Variants in BCL2L11 observed in about 807,000 individuals in gnomAD.
BCL2L11 encodes BCL2 like 11.
Under a neutral mutation model 20.6 loss-of-function variants are expected in BCL2L11, and 15 were observed. That is an observed-to-expected ratio of 0.73 (90% CI 0.49 to 1.12). The LOEUF is 1.12. Among genes scored for constraint, BCL2L11 ranks in the 50% most tolerant of loss-of-function variants. The pLI is 0.00. For synonymous variants in BCL2L11, 108 were observed against 92.8 expected (o/e 1.16, Z -0.94); for missense variants, 292 against 260.9 (o/e 1.12, Z -0.82).
At chr2:111,140,807 A>G (rs887757044) in intron 2 of BCL2L11, among the ~76,000 whole-genome samples, 4 of 152,256 alleles carry the variant, frequency 2.6e-5, no homozygotes, top group South Asian at 2.1e-4. Flanking sequence ...AGTTTGATAC[A>G]TAGCAGGAGT....
At chr2:111,151,640 C>T (rs940362464) in intron 3 of BCL2L11, among the ~76,000 whole-genome samples, 2 of 152,116 alleles carry the variant, frequency 1.3e-5, no homozygotes, top group African/African-American at 4.8e-5. Flanking sequence ...GACATTTTCC[C>T]ATTACAAAGG....
intron 3 of BCL2L11, among the ~76,000 whole-genome samples, chr2:111,153,169 C>T (rs777373910): frequency 7.9e-5 from 12 of 151,804 alleles, no homozygotes; most frequent in Non-Finnish European, 1.2e-4. Flanking sequence ...CCAGAGGTCA[C>T]GAGTTTAAGA....
chr2:111,124,788 C>T (rs148595297), intron 2 of BCL2L11, among the ~76,000 whole-genome samples: 4 of 152,246 alleles, frequency 2.6e-5, no homozygotes, highest in African/African-American at 9.6e-5. Context: ...AGAAAGATGA[C>T]AATCATTTTT....
At chr2:111,128,702 A>G (rs2073230079) in intron 2 of BCL2L11, 2 of 1,549,832 alleles carry the variant, frequency 1.3e-6, no homozygotes, top group Admixed American at 2.0e-5. Flanking sequence ...TTGTATGGCC[A>G]CCACCATAGT....
At chr2:111,127,146 T>A (rs1171303548) in intron 2 of BCL2L11, among the ~76,000 whole-genome samples, 2 of 152,198 alleles carry the variant, frequency 1.3e-5, no homozygotes, top group African/African-American at 4.8e-5. Context: ...TGACAAATGA[T>A]ACCTTAGTGA....
rs1346842218 is a variant in BCL2L11 at position 111,166,343 on chromosome 2, A to G, written c.*2112A>G. ...GCTGCCCAGGGGCTGTGTGCACCAC[A>G]TGAGCACATTTCCCTCTGGCCTGGC... On this transcript the variant is annotated 3_prime_UTR_variant, in exon 4 of 4. Coordinates refer to ENST00000393256, the MANE Select transcript of BCL2L11 (RefSeq NM_138621.5). 2 of 152,716 alleles carry G rather than the reference A, an allele frequency of 1.3e-5. No homozygotes were observed. Among genetic ancestry groups the G allele is most frequent in the African/African-American group, 4.8e-5 (2 of 41,472 alleles). The allele number at this position is 152,716 out of a possible 1,614,324, so 9.5% of individuals were successfully genotyped here.
At chr2:111,151,819 A>C in intron 3 of BCL2L11, 1 of 1,542,852 alleles carries the variant, frequency 6.5e-7, no homozygotes, top group Non-Finnish European at 8.8e-7. Flanking sequence ...ATACTGTCTT[A>C]AGCTGGCAAA....
intron 3 of BCL2L11, among the ~76,000 whole-genome samples, chr2:111,154,827 T>G (rs2077643052): frequency 6.6e-6 from 1 of 152,224 alleles, no homozygotes; most frequent in Admixed American, 6.5e-5. Flanking sequence ...ATTCATAGAT[T>G]CCTGTTTTAT....
chr2:111,148,154 C>G (rs1270787223), intron 2 of BCL2L11, among the ~76,000 whole-genome samples: 1 of 152,194 alleles, frequency 6.6e-6, no homozygotes, highest in Non-Finnish European at 1.5e-5. Flanking sequence ...GCAGTTTTCT[C>G]TCTCAGTCAT....
intron 2 of BCL2L11, among the ~76,000 whole-genome samples, chr2:111,133,391 T>A (rs1183156857): frequency 6.6e-6 from 1 of 152,230 alleles, no homozygotes. Context: ...CCACCACTGC[T>A]TAGCTGCATC....
intron 1 of BCL2L11, among the ~76,000 whole-genome samples, chr2:111,122,213 C>T (rs1289360604): frequency 6.6e-6 from 1 of 152,220 alleles, no homozygotes; most frequent in Non-Finnish European, 1.5e-5. Flanking sequence ...GGTCTGCCCC[C>T]GACGGGCCAA....
intron 1 of BCL2L11, chr2:111,123,044 G>T: frequency 5.1e-6 from 5 of 976,044 alleles, no homozygotes; most frequent in Non-Finnish European, 6.1e-6. Context: ...TCGCTTCGTC[G>T]CCCTCCGCCG....
intron 2 of BCL2L11, among the ~76,000 whole-genome samples, chr2:111,127,576 T>C (rs1282937701): frequency 1.3e-5 from 2 of 152,078 alleles, no homozygotes; most frequent in Non-Finnish European, 2.9e-5. Flanking sequence ...CCAGGAGATG[T>C]TGAGAGTCAG....
intron 2 of BCL2L11, among the ~76,000 whole-genome samples, chr2:111,145,112 C>G (rs528536563): frequency 1.3e-5 from 2 of 152,268 alleles, no homozygotes; most frequent in East Asian, 3.9e-4. Context: ...GAAAACAGTA[C>G]AGAGTGCAGC....
intron 2 of BCL2L11, among the ~76,000 whole-genome samples, chr2:111,135,735 T>G (rs2074759559): frequency 6.6e-6 from 1 of 152,168 alleles, no homozygotes; most frequent in Non-Finnish European, 1.5e-5. Context: ...AACCCTGTTT[T>G]GCACTGTCTG....
At chr2:111,122,537 G>GCGACCGCGCGCGGAC (rs1176246856) in intron 1 of BCL2L11, 4 of 897,148 alleles carry the variant, frequency 4.5e-6, no homozygotes, top group African/African-American at 1.8e-5. Context: ...GCGGCGCGGA[G>GCGACCGCGCGCGGAC]CGACCGCGCG....
In BCL2L11 at chr2:111,121,163, C is replaced by G; in HGVS notation, c.-39C>G. ...CCCTTGTTCCCCCAAATGTCTGACTCTGACTCTCGGACTGAGAAACGCAAG... is the reference window on the plus strand; with the variant it reads ...CCCTTGTTCCCCCAAATGTCTGACTGTGACTCTCGGACTGAGAAACGCAAG... On this transcript the variant is annotated 5_prime_UTR_variant, in exon 1 of 4. Transcript: ENST00000393256. 4.0e-6 allele frequency: 1 copy of G among 253,156 alleles called. No individual in the cohort carries two copies. Among genetic ancestry groups the G allele is most frequent in the Non-Finnish European group, 7.6e-6 (1 of 131,606 alleles). The allele number at this position is 253,156 out of a possible 1,614,324, so 15.7% of individuals were successfully genotyped here.
intron 2 of BCL2L11, chr2:111,146,405 C>T (rs2150456144): frequency 3.4e-6 from 1 of 295,354 alleles, no homozygotes; most frequent in South Asian, 1.2e-4. Flanking sequence ...TTTGATAGCT[C>T]GAGTATGTTA....
chr2:111,139,173 AG>A (rs2075399572), intron 2 of BCL2L11, among the ~76,000 whole-genome samples: 1 of 152,176 alleles, frequency 6.6e-6, no homozygotes, highest in African/African-American at 2.4e-5. Context: ...GCGTGGGAAG[AG>A]GAGGTCTGAA....
Sources: gnomAD v4.1 joint callset for allele counts (sites outside exome capture counted in the v4.1 genomes callset) on GRCh38, gnomAD v4.1.1 for gene constraint, MANE v1.5 for transcripts, NCBI Gene and HGNC (gene_info 2026-07-23, HGNC 2026-07-21) for gene names.